The following RBFOX1 variants were observed in gnomAD, a reference collection of about 807,000 sequenced individuals.
RBFOX1 encodes RNA binding fox-1 homolog 1, also known as RNA binding protein fox-1 homolog 1.
RBFOX1 carries 8 observed loss-of-function variants against 57.7 expected under a neutral mutation model. The observed-to-expected ratio is 0.14, with a 90% CI of 0.08 to 0.25. RBFOX1 has a LOEUF of 0.25. RBFOX1 is among the 10% of genes least tolerant of loss of function. The pLI is 1.00. For synonymous variants in RBFOX1, 326 were observed against 222.4 expected, an observed-to-expected ratio of 1.47 and a Z score of -4.15; for missense variants, 611 against 548.5, an observed-to-expected ratio of 1.11 and a Z score of -1.14.
At chr16:5,402,145 C>T (rs1465022710) in intron 1 of RBFOX1, among the ~76,000 whole-genome samples, 1 of 152,030 alleles carries the variant, frequency 6.6e-6, no homozygotes, top group Non-Finnish European at 1.5e-5. Flanking sequence ...GGGCAGAGAC[C>T]AGGAGCGGGA....
chr16:7,059,472 C>T (rs890248356), intron 4 of RBFOX1, among the ~76,000 whole-genome samples: 8 of 152,288 alleles, frequency 5.3e-5, no homozygotes, highest in Admixed American at 5.2e-4. Context: ...AAACTTGCAC[C>T]ACTCTTATTC....
rs1555498170 is a variant in RBFOX1, at chr16:5,353,736, A to AAAAAC, written c.220-113477_220-113476insACAAA. On this transcript the variant is annotated intron_variant, in intron 1 of 2. Coordinates refer to the RBFOX1 transcript ENST00000585867. ...TAATTTCCCATTGAGGAAAAAAAAAAAAACCTCGCCATGCCCTGTGAGACA... is the reference window on the plus strand; with the variant it reads ...TAATTTCCCATTGAGGAAAAAAAAAAAAAACAAACCTCGCCATGCCCTGTGAGACA... 2.3e-3 allele frequency among the ~76,000 whole-genome samples: 334 copies of AAAAAC among 148,372 alleles called. 3 individuals are homozygous for AAAAAC. The highest frequency in any genetic ancestry group is 3.0e-3 in the South Asian group (14 of 4,714).
intron 3 of RBFOX1, among the ~76,000 whole-genome samples, chr16:7,032,174 CAG>C: frequency 6.6e-6 from 1 of 152,156 alleles, no homozygotes; most frequent in Non-Finnish European, 1.5e-5. Flanking sequence ...CCTGTAATCC[CAG>C]TTCTTTGGGA....
intron 3 of RBFOX1, among the ~76,000 whole-genome samples, chr16:5,628,427 A>G (rs527670994): frequency 6.6e-6 from 1 of 152,170 alleles, no homozygotes; most frequent in African/African-American, 2.4e-5. Context: ...AGTTTTGGGG[A>G]TAACTGATAT....
intron 3 of RBFOX1, among the ~76,000 whole-genome samples, chr16:5,723,573 C>T (rs995828101): frequency 1.3e-5 from 2 of 151,966 alleles, no homozygotes; most frequent in Non-Finnish European, 2.9e-5. Context: ...AGTCAGCCCA[C>T]AGGAAACTGT....
At position 6,269,607 on chromosome 16, in the gene RBFOX1, C is replaced by T. The variant is rs62016173; in HGVS notation, c.-126-47388C>T. Among the ~76,000 whole-genome samples, 1,069 of 152,286 alleles carry T rather than the reference C, an allele frequency of 7.0e-3. 4 individuals are homozygous for T. Among genetic ancestry groups the T allele is most frequent in the Middle Eastern group, 0.014 (4 of 294 alleles). Reference sequence around the variant, plus strand: ...GTTTTCCAAGTGCTGAAAGAAAATACTTGTCAACTCAGAATTCTGTATTGA... The same window carrying T: ...GTTTTCCAAGTGCTGAAAGAAAATATTTGTCAACTCAGAATTCTGTATTGA... On this transcript the variant is annotated intron_variant, in intron 1 of 15. Coordinates refer to ENST00000550418, the MANE Select transcript of RBFOX1 (RefSeq NM_018723.4).
At chr16:6,221,970 T>C (rs370055845) in intron 1 of RBFOX1, among the ~76,000 whole-genome samples, 24 of 152,148 alleles carry the variant, frequency 1.6e-4, no homozygotes, top group African/African-American at 5.6e-4. Context: ...CTTTAGTCCC[T>C]ATCATAAGGG....
chr16:7,529,794 A>C (rs1009678592), intron 5 of RBFOX1, among the ~76,000 whole-genome samples: 1 of 152,082 alleles, frequency 6.6e-6, no homozygotes, highest in African/African-American at 2.4e-5. Flanking sequence ...AGATCACTTG[A>C]GGTCAGGAGT....
rs185955810 is a variant in RBFOX1, at chr16:5,620,598, C to G, written c.318+21637C>G. Among the ~76,000 whole-genome samples, 8 of 152,296 alleles carry G rather than the reference C, an allele frequency of 5.3e-5. No homozygotes were observed. In the East Asian group the frequency reaches 1.5e-3, roughly 29 times the overall value. ...TTGCTGTGTCTTCTTACGGCTTTCT[C>G]TTTGTGTCAGTATCCTCACCTCTTC... On this transcript the variant is annotated intron_variant, in intron 3 of 19. Coordinates refer to the RBFOX1 transcript ENST00000641259.
At chr16:5,976,864 G>A (rs1054418822) in intron 4 of RBFOX1, among the ~76,000 whole-genome samples, 1 of 152,126 alleles carries the variant, frequency 6.6e-6, no homozygotes. Context: ...GCAAGACTCT[G>A]TCAATCAATG....
At chr16:5,805,543 T>C (rs2055198058) in intron 3 of RBFOX1, among the ~76,000 whole-genome samples, 1 of 152,164 alleles carries the variant, frequency 6.6e-6, no homozygotes, top group Non-Finnish European at 1.5e-5. Flanking sequence ...CATGTATTGA[T>C]GGGATAATTG....
intron 3 of RBFOX1, among the ~76,000 whole-genome samples, chr16:6,681,552 G>C (rs1376945050): frequency 6.6e-6 from 1 of 151,838 alleles, no homozygotes; most frequent in Non-Finnish European, 1.5e-5. Context: ...ACTTTAGTCA[G>C]TTGAGAAAAT....
chr16:6,470,146 T>C (rs1040834338), intron 2 of RBFOX1, among the ~76,000 whole-genome samples: 1 of 152,220 alleles, frequency 6.6e-6, no homozygotes, highest in Non-Finnish European at 1.5e-5. Context: ...CAGATTTAGA[T>C]ACTGCCTCTA....
chr16:7,666,745 T>A (rs370878858), intron 13 of RBFOX1, among the ~76,000 whole-genome samples: 1 of 152,198 alleles, frequency 6.6e-6, no homozygotes, highest in East Asian at 1.9e-4. Flanking sequence ...GAAGGAAATA[T>A]GCCAACCACT....
intron 1 of RBFOX1, among the ~76,000 whole-genome samples, chr16:5,282,044 G>C (rs1332665064): frequency 5.3e-5 from 8 of 152,140 alleles, no homozygotes; most frequent in Admixed American, 5.2e-4. Flanking sequence ...ATGTGTTGTG[G>C]GAGGGACCCA....
intron 4 of RBFOX1, among the ~76,000 whole-genome samples, chr16:5,970,715 G>C (rs1051092405): frequency 1.5e-4 from 23 of 152,146 alleles, no homozygotes; most frequent in Non-Finnish European, 3.1e-4. Context: ...CCTTCTTTTA[G>C]AGAAAGGACC....
chr16:6,189,354 C>T (rs1024571136), intron 1 of RBFOX1, among the ~76,000 whole-genome samples: 6 of 152,182 alleles, frequency 3.9e-5, no homozygotes, highest in East Asian at 1.9e-4. Context: ...GAGTCTAGTG[C>T]GCGCTGGTTC....
intron 3 of RBFOX1, among the ~76,000 whole-genome samples, chr16:6,925,720 G>C (rs543744812): frequency 3.7e-4 from 56 of 152,126 alleles, no homozygotes; most frequent in African/African-American, 1.3e-3. Flanking sequence ...ATACATCAAA[G>C]TTGATTTTAA....
At chr16:7,134,778 A>G (rs1208858344) in intron 4 of RBFOX1, among the ~76,000 whole-genome samples, 1 of 152,194 alleles carries the variant, frequency 6.6e-6, no homozygotes, top group African/African-American at 2.4e-5. Context: ...GAATTTGCAA[A>G]CAGGCTTCTG....
Sources: gnomAD v4.1 joint callset for allele counts (sites outside exome capture counted in the v4.1 genomes callset) on GRCh38, gnomAD v4.1.1 for gene constraint, MANE v1.5 for transcripts, NCBI Gene and HGNC (gene_info 2026-07-23, HGNC 2026-07-21) for gene names.